Variants in MBOAT7 observed in about 807,000 individuals in gnomAD.
The protein encoded by MBOAT7 is membrane bound acylglycerophosphatidylinositol O-acyltransferase MBOAT7.
Under a neutral mutation model 47.4 loss-of-function variants are expected in MBOAT7, and 40 were observed. The ratio of observed to expected loss-of-function variants is 0.84; its 90% confidence interval spans 0.66 to 1.10. MBOAT7 has a LOEUF of 1.10. Among genes scored for constraint, MBOAT7 ranks in the 50% least tolerant of loss-of-function variants. The pLI is 0.00. For missense variants in MBOAT7, 680 were observed against 655.6 expected (o/e 1.04, Z -0.41); for synonymous variants, 361 against 292.0 (o/e 1.24, Z -2.41).
chr19:54,188,069 GACAA>G (rs1176645155), intron 3 of MBOAT7, 144 bp downstream of exon 3: 2,817 of 202,840 alleles, frequency 0.014, 183 homozygotes, highest in East Asian at 0.032. Flanking sequence ...AAGAAAGAAA[GACAA>G]ACAAACAAAC....
chr19:54,174,114 C>A lies in MBOAT7; in HGVS notation c.1349G>T (p.Gly450Val). The change falls in exon 8 of 8, where the codon GGC (glycine) becomes GTC (valine). Residue 450 changes from glycine to valine, a missense_variant. Coordinates refer to ENST00000245615, the MANE Select transcript of MBOAT7 (RefSeq NM_024298.5). ...ALGLGLALGG[G>V]SPSRRKAASQ... ...TGCTGCCTTCCGCCGGCTGGGGCTG[C>A]CCCCACCTAAAGCCAGCCCCAGCCC... The A allele has an allele frequency of 6.2e-7, 1 of 1,605,680 alleles. No individual in the cohort carries two copies. The highest frequency in any genetic ancestry group is 8.5e-7 in the Non-Finnish European group (1 of 1,176,512).
chr19:54,178,966 G>A (rs888670929), intron 6 of MBOAT7, 25 bp from the exon 7 acceptor site: 1 of 1,609,590 alleles, frequency 6.2e-7, no homozygotes, highest in African/African-American at 1.3e-5. Flanking sequence ...ATGAGGGTGG[G>A]GGACAGACAT....
intron 6 of MBOAT7, chr19:54,179,985 AAG>A (rs765733782): frequency 5.9e-5 from 9 of 152,228 alleles, no homozygotes; most frequent in East Asian, 1.9e-4. Context: ...CCTCAGCCAC[AAG>A]AGAGTCCACA....
At position 54,174,113 on chromosome 19, in the gene MBOAT7, GC is replaced by G; in HGVS notation, c.1349del (p.Gly450AlafsTer39). ...ATGCTGCCTTCCGCCGGCTGGGGCTGCCCCCACCTAAAGCCAGCCCCAGCCC... is the reference window on the plus strand; with the variant it reads ...ATGCTGCCTTCCGCCGGCTGGGGCTGCCCCACCTAAAGCCAGCCCCAGCCC... ...ALGLGLALGGGSPSRRKAASQ... is the reference protein window; with the variant it reads ...ALGLGLALGGXSPSRRKAASQ... On this transcript the variant is annotated frameshift_variant, in exon 8 of 8. Transcript: ENST00000245615. LOFTEE classifies it high-confidence loss of function. The G allele has an allele frequency of 6.2e-7, 1 of 1,605,756 alleles. No homozygotes were observed. The highest frequency in any genetic ancestry group is 8.5e-7 in the Non-Finnish European group (1 of 1,176,614).
Position 54,187,181 on chromosome 19 carries a change from G to A in MBOAT7, c.313C>T (p.Gln105Ter). ...CTGACCTTCAGCGTCAGCAGCAGCT[G>A]GACGGCATTGGTGAAGGGCGTGGGA... The part of the protein sequence containing the change: ...PTPTPFTNAV[Q>*]LLLTLKLVSL... Residue 105 changes from glutamine to a stop codon, truncating the protein, a stop_gained, in exon 4 of 8, where the codon CAG (glutamine) becomes TAG (stop). Transcript: ENST00000245615. LOFTEE classifies it high-confidence loss of function. The A allele has an allele frequency of 6.3e-7, 1 of 1,581,364 alleles. No individual in the cohort carries two copies. Among genetic ancestry groups the A allele is most frequent in the Non-Finnish European group, 8.6e-7 (1 of 1,166,048 alleles).
rs188929112 is a variant in MBOAT7 at position 54,185,354 on chromosome 19, C to T, written c.334-1674G>A. ...ATTATACAAGTATGAGCCACTGCAC[C>T]AGGCCTACACAACCCTTTTTCCATC... On this transcript the variant is annotated intron_variant, in intron 4 of 7. Coordinates refer to ENST00000245615, the MANE Select transcript of MBOAT7 (RefSeq NM_024298.5). Among the ~76,000 whole-genome samples the T allele has an allele frequency of 1.7e-3, 253 of 152,164 alleles. 2 individuals are homozygous for T. Among genetic ancestry groups the T allele is most frequent in the African/African-American group, 5.7e-3 (238 of 41,512 alleles).
Position 54,188,514 on chromosome 19 carries a change from G to T in MBOAT7, c.-3-3C>A. On this transcript the variant is annotated splice_region_variant and splice_polypyrimidine_tract_variant and intron_variant, in intron 1 of 7. Coordinates refer to ENST00000245615, the MANE Select transcript of MBOAT7 (RefSeq NM_024298.5). ...GTCCATTCTTCAGGCGACATGGTCT[G>T]GGGGAGGGGCAGAGATTCACAGTGA... 2 of 1,552,002 alleles carry T rather than the reference G, an allele frequency of 1.3e-6. No homozygotes were observed. Among genetic ancestry groups the T allele is most frequent in the African/African-American group, 1.4e-5 (1 of 73,194 alleles).
intron 6 of MBOAT7, 65 bp from the exon 7 acceptor site, chr19:54,179,006 T>TGCTA: frequency 2.5e-6 from 4 of 1,574,428 alleles, no homozygotes; most frequent in Non-Finnish European, 3.5e-6. Flanking sequence ...TCCCGACGCC[T>TGCTA]GCTAGTGTCC....
At chr19:54,187,085 C>CTGAAGGGGGAGG in intron 4 of MBOAT7, 76 bp downstream of exon 4, 1 of 1,487,560 alleles carries the variant, frequency 6.7e-7, no homozygotes, top group Non-Finnish European at 8.9e-7. Context: ...CGGGGAGCCA[C>CTGAAGGGGGAGG]TGAAGGGGGA....
rs758878039 is a variant in MBOAT7, at chr19:54,173,472, C to T, written c.*572G>A. The T allele has an allele frequency of 9.5e-6, 2 of 209,654 alleles. No homozygotes were observed. Among genetic ancestry groups the T allele is most frequent in the African/African-American group, 2.3e-5 (1 of 43,118 alleles). 13.0% of individuals were successfully genotyped at this position (209,654 alleles called of 1,614,324 possible). A position where few individuals can be genotyped will look rare whatever the true frequency, so the allele number is the denominator to read the frequency against. On this transcript the variant is annotated 3_prime_UTR_variant, in exon 8 of 8. Coordinates refer to ENST00000245615, the MANE Select transcript of MBOAT7 (RefSeq NM_024298.5). ...ACACGGTGACCTGTCATAGGCCAAGCGATGAGAAGAGGGCGCCAGGAGTGC... is the reference window on the plus strand; with the variant it reads ...ACACGGTGACCTGTCATAGGCCAAGTGATGAGAAGAGGGCGCCAGGAGTGC...
chr19:54,175,208 G>T (rs984684550), intron 7 of MBOAT7, among the ~76,000 whole-genome samples: 2 of 152,124 alleles, frequency 1.3e-5, no homozygotes, highest in African/African-American at 4.8e-5. Flanking sequence ...TCGATCTCCT[G>T]ACCTCGTGAT....
chr19:54,182,255 C>T (rs931295066), intron 5 of MBOAT7, among the ~76,000 whole-genome samples: 1 of 151,138 alleles, frequency 6.6e-6, no homozygotes, highest in Non-Finnish European at 1.5e-5. Context: ...AAAAAAAAAA[C>T]AAATTAAAAT....
At chr19:54,174,825 CCT>C (rs1043978472) in intron 7 of MBOAT7, among the ~76,000 whole-genome samples, 72 of 152,300 alleles carry the variant, frequency 4.7e-4, no homozygotes, top group African/African-American at 1.7e-3. Flanking sequence ...AGGCTACAGG[CCT>C]CTGTCTCCTT....
At position 54,187,207 on chromosome 19, in the gene MBOAT7, G is replaced by C. The variant is rs554484922; in HGVS notation, c.287C>G (p.Thr96Ser). The C allele has an allele frequency of 6.2e-7, 1 of 1,600,062 alleles. No homozygotes were observed. The highest frequency in any genetic ancestry group is 2.3e-5 in the East Asian group (1 of 44,306). Reference protein sequence around the residue: ...FRALSLLGLPTPTPFTNAVQL... With the variant: ...FRALSLLGLPSPTPFTNAVQL... The stretch of plus-strand genomic sequence containing the variant: ...GACGGCATTGGTGAAGGGCGTGGGA[G>C]TGGGCAGGCCCAGGAGGCTGAGGGC... Residue 96 changes from threonine (T) to serine (S), a missense_variant, in exon 4 of 8, where the codon ACT becomes AGT. Coordinates refer to ENST00000245615, the MANE Select transcript of MBOAT7 (RefSeq NM_024298.5).
At chr19:54,177,510 T>C (rs2076142054) in intron 7 of MBOAT7, among the ~76,000 whole-genome samples, 2 of 152,118 alleles carry the variant, frequency 1.3e-5, no homozygotes, top group African/African-American at 4.8e-5. Context: ...TTAGCCAGGA[T>C]GGTCTTGATC....
intron 1 of MBOAT7, 34 bp from the exon 2 acceptor site, chr19:54,188,545 C>G (rs1336107014): frequency 3.9e-6 from 6 of 1,541,248 alleles, no homozygotes; most frequent in Non-Finnish European, 5.3e-6. Flanking sequence ...AGTGAGAACC[C>G]AGGAATCCAG....
intron 5 of MBOAT7, among the ~76,000 whole-genome samples, chr19:54,182,406 G>A (rs904349981): frequency 4.6e-5 from 7 of 152,026 alleles, no homozygotes; most frequent in African/African-American, 1.7e-4. Flanking sequence ...GGGTTTCTTT[G>A]CAGGGTATGA....
chr19:54,174,380 G>A lies in MBOAT7; in HGVS notation c.1083C>T (p.Gly361=), dbSNP rs1469196123. 23 of 1,607,598 alleles carry A rather than the reference G, an allele frequency of 1.4e-5. No homozygotes were observed. The highest frequency in any genetic ancestry group is 1.8e-5 in the Non-Finnish European group (21 of 1,176,882). Residue 361 remains glycine, a synonymous_variant, in exon 8 of 8, where the codon GGC becomes GGT. Coordinates refer to ENST00000245615, the MANE Select transcript of MBOAT7 (RefSeq NM_024298.5). The part of the protein sequence containing the change: ...LSAYWHGLHP[G]YYLSFLTIPL... ...GGATGGTCAGGAAGCTCAGGTAGTA[G>A]CCCGGGTGGAGGCCGTGCCAGTAGG...
intron 4 of MBOAT7, among the ~76,000 whole-genome samples, chr19:54,186,242 C>T (rs1247034244): frequency 6.7e-6 from 1 of 150,088 alleles, no homozygotes; most frequent in African/African-American, 2.5e-5. Context: ...CTTGAACTCC[C>T]GACCTCAGGT....
Sources: gnomAD v4.1 joint callset for allele counts (sites outside exome capture counted in the v4.1 genomes callset) on GRCh38, gnomAD v4.1.1 for gene constraint, MANE v1.5 for transcripts, NCBI Gene and HGNC (gene_info 2026-07-23, HGNC 2026-07-21) for gene names.